Variants in DCP2 observed in about 807,000 individuals in gnomAD.
DCP2 encodes the protein m7GpppN-mRNA hydrolase.
DCP2 carries 30 observed loss-of-function variants against 56.1 expected under a neutral mutation model. The observed-to-expected ratio is 0.53, with a 90% CI of 0.40 to 0.73. The LOEUF (loss-of-function observed/expected upper bound fraction) is 0.73, where lower values mean the gene tolerates loss of function less well. DCP2 is among the 30% of genes least tolerant of loss of function. The pLI, the probability that DCP2 is intolerant of heterozygous loss-of-function variation, is 0.00. For missense variants in DCP2, 533 were observed against 502.7 expected, an observed-to-expected ratio of 1.06 and a Z score of -0.58; for synonymous variants, 197 against 163.3, an observed-to-expected ratio of 1.21 and a Z score of -1.57.
At position 113,018,670 on chromosome 5, in the gene DCP2, T is replaced by TTATTGGC. The variant is rs1366585087; in HGVS notation, c.*5189_*5195dup. The TTATTGGC allele has an allele frequency of 6.6e-6, 1 of 152,280 alleles. No homozygotes were observed. The highest frequency in any genetic ancestry group is 1.5e-5 in the Non-Finnish European group (1 of 68,074). The allele number at this position is 152,280 out of a possible 1,614,324, so 9.4% of individuals were successfully genotyped here. On this transcript the variant is annotated 3_prime_UTR_variant, in exon 11 of 11. Transcript: ENST00000389063. ...TGCAGGTGGTTGGGTGGTTTTTGGG[T>TTATTGGC]TATTGGCTACTGTTCGTTCAGTGCC...
At chr5:113,002,787 T>G (rs1352034325) in intron 7 of DCP2, among the ~76,000 whole-genome samples, 2 of 152,162 alleles carry the variant, frequency 1.3e-5, no homozygotes, top group Non-Finnish European at 2.9e-5. Flanking sequence ...CTTCCCAAAG[T>G]TTTGAGATTA....
chr5:112,976,834 T>C lies in DCP2; in HGVS notation c.-100T>C, dbSNP rs754880310. ...TGGAGTCGTCTCTGCCGCGGCTTCC[T>C]CGGCTGCCAGCTCTCCGGCGAGCCG... On this transcript the variant is annotated 5_prime_UTR_variant, in exon 1 of 11. Transcript: ENST00000389063. The C allele has an allele frequency of 1.0e-5, 13 of 1,304,880 alleles. No individual in the cohort carries two copies. The East Asian group carries it at 3.0e-4, about 30-fold the overall frequency. The allele number at this position is 1,304,880 out of a possible 1,614,324, so 80.8% of individuals were successfully genotyped here. A position where few individuals can be genotyped will look rare whatever the true frequency, so the allele number is the denominator to read the frequency against.
At chr5:112,979,139 TAAAC>T (rs1170805729) in intron 1 of DCP2, among the ~76,000 whole-genome samples, 4 of 152,196 alleles carry the variant, frequency 2.6e-5, no homozygotes, top group Non-Finnish European at 5.9e-5. Context: ...TTTAAGCTGT[TAAAC>T]AAATATTTTT....
intron 1 of DCP2, among the ~76,000 whole-genome samples, chr5:112,980,667 C>T (rs1747963712): frequency 6.6e-6 from 1 of 152,126 alleles, no homozygotes; most frequent in South Asian, 2.1e-4. Context: ...AAACTTAAGT[C>T]AACTTTTTAC....
chr5:112,993,354 G>A (rs1186793652), intron 4 of DCP2, among the ~76,000 whole-genome samples: 1 of 151,884 alleles, frequency 6.6e-6, no homozygotes, highest in African/African-American at 2.4e-5. Context: ...TGCTGTTATG[G>A]CCAGGCACGG....
chr5:112,984,618 A>G (rs1465833489), intron 1 of DCP2: 2 of 149,456 alleles, frequency 1.3e-5, no homozygotes, highest in South Asian at 2.1e-4. Context: ...CCAAATTGCA[A>G]TCTCTAAAAA....
Position 113,010,731 on chromosome 5 carries a change from GTGTGTTT to G in DCP2, c.1048-23_1048-17del. 1.4e-6 allele frequency: 2 copies of G among 1,475,192 alleles called. No individual in the cohort carries two copies. Among genetic ancestry groups the G allele is most frequent in the Non-Finnish European group, 8.9e-7 (1 of 1,124,088 alleles). 91.4% of individuals were successfully genotyped at this position (1,475,192 alleles called of 1,614,324 possible). On this transcript the variant is annotated intron_variant, in intron 9 of 10. Coordinates refer to ENST00000389063, the MANE Select transcript of DCP2 (RefSeq NM_152624.6). Reference sequence around the variant, plus strand: ...GTGACTGTGTTGTATGTGTGTGTGTGTGTGTTTTTTTTTTTTTTAAATAGAAGTGTGA... The same window carrying G: ...GTGACTGTGTTGTATGTGTGTGTGTGTTTTTTTTTTTAAATAGAAGTGTGA...
At position 112,985,935 on chromosome 5, in the gene DCP2, C is replaced by A. The variant is rs747847949; in HGVS notation, c.154C>A (p.Gln52Lys). The change falls in exon 2 of 11, where the codon CAG becomes AAG. Residue 52 changes from glutamine to lysine, a missense_variant. Gln to Lys is a moderately conservative substitution (Grantham distance 53). Coordinates refer to ENST00000389063, the MANE Select transcript of DCP2 (RefSeq NM_152624.6). ...AHWFYLDFYMQNTPGLPQCGI... is the reference protein window; with the variant it reads ...AHWFYLDFYMKNTPGLPQCGI... The stretch of plus-strand genomic sequence containing the variant: ...TTGGTTTTACTTGGATTTCTACATG[C>A]AGAACACACCAGGATTACCTCAGTG... 132 of 1,603,828 alleles carry A rather than the reference C, an allele frequency of 8.2e-5. No homozygotes were observed. Among genetic ancestry groups the A allele is most frequent in the South Asian group, 5.2e-4 (47 of 90,196 alleles).
rs2150200429 is a variant in DCP2, at chr5:113,021,784, C to CT, written c.*8302dup. ...GATGTGTTGCAAAGCTGCTTGCCAT[C>CT]TTGTTGTCCTATATGACTTCCTTGC... On this transcript the variant is annotated 3_prime_UTR_variant, in exon 11 of 11. Transcript: ENST00000389063. 6.6e-6 allele frequency among the ~76,000 whole-genome samples: 1 copy of CT among 152,336 alleles called. No individual in the cohort carries two copies. The highest frequency in any genetic ancestry group is 1.5e-5 in the Non-Finnish European group (1 of 68,020).
At chr5:113,012,946 T>A (rs887278401) in intron 10 of DCP2, among the ~76,000 whole-genome samples, 1 of 152,312 alleles carries the variant, frequency 6.6e-6, no homozygotes, top group Admixed American at 6.5e-5. Context: ...CTGGCCAGAT[T>A]TTTCTTTATG....
chr5:112,993,907 G>A (rs1005989306), intron 4 of DCP2, among the ~76,000 whole-genome samples: 3 of 151,686 alleles, frequency 2.0e-5, no homozygotes, highest in African/African-American at 4.8e-5. Flanking sequence ...ATTATTTTTG[G>A]TGTAGGATCT....
chr5:113,006,819 A>C (rs1390979704), intron 8 of DCP2, among the ~76,000 whole-genome samples: 1 of 152,210 alleles, frequency 6.6e-6, no homozygotes, highest in Non-Finnish European at 1.5e-5. Context: ...TAAGTTTAGG[A>C]ATAATGGCCC....
At chr5:112,979,709 A>G (rs1422817617) in intron 1 of DCP2, among the ~76,000 whole-genome samples, 1 of 152,198 alleles carries the variant, frequency 6.6e-6, no homozygotes, top group African/African-American at 2.4e-5. Context: ...CTCATAACCT[A>G]AGGCTGATGC....
Position 113,011,019 on chromosome 5 carries a change from G to A in DCP2, c.1099+212G>A, listed in dbSNP as rs1749660663. On this transcript the variant is annotated intron_variant, in intron 10 of 10. Transcript: ENST00000389063. ...AAATTACTTGCCTTCAGACTGTGCC[G>A]TTTCTTTTATGAATGTTAAGCCTTA... Among the ~76,000 whole-genome samples the A allele has an allele frequency of 2.0e-5, 3 of 152,092 alleles. 1 individual carries two copies. Among genetic ancestry groups the A allele is most frequent in the Non-Finnish European group, 2.9e-5 (2 of 68,024 alleles).
chr5:113,006,740 CTT>C (rs752586943), intron 8 of DCP2, among the ~76,000 whole-genome samples: 1 of 152,166 alleles, frequency 6.6e-6, no homozygotes, highest in Non-Finnish European at 1.5e-5. Flanking sequence ...TTAATTTAAA[CTT>C]AAGAATTTTT....
At chr5:113,000,420 A>ACACACCCACACC (rs75090269) in intron 4 of DCP2, among the ~76,000 whole-genome samples, 5 of 146,652 alleles carry the variant, frequency 3.4e-5, no homozygotes, top group Admixed American at 6.8e-5. Flanking sequence ...ACACACACAC[A>ACACACCCACACC]CACACCCACA....
Position 112,976,999 on chromosome 5 carries a change from C to T in DCP2, c.53+13C>T. On this transcript the variant is annotated intron_variant, in intron 1 of 10. Coordinates refer to ENST00000389063, the MANE Select transcript of DCP2 (RefSeq NM_152624.6). ...ACGATCTCTGCAGGTACCGCGCTAC[C>T]CGACCCCCTTTCGCCCCCGTCGGGT... 1 of 1,525,286 alleles carries T rather than the reference C, an allele frequency of 6.6e-7. No individual in the cohort carries two copies. The highest frequency in any genetic ancestry group is 8.9e-7 in the Non-Finnish European group (1 of 1,126,812). 94.5% of individuals were successfully genotyped at this position (1,525,286 alleles called of 1,614,324 possible).
chr5:112,997,680 G>A (rs1200157269), intron 4 of DCP2, among the ~76,000 whole-genome samples: 2 of 151,016 alleles, frequency 1.3e-5, no homozygotes, highest in Admixed American at 1.3e-4. Flanking sequence ...TGCGATCTCA[G>A]TTCACTGCAC....
intron 4 of DCP2, 69 bp from the exon 5 acceptor site, chr5:113,001,015 G>A: frequency 7.0e-7 from 1 of 1,429,018 alleles, no homozygotes; most frequent in African/African-American, 1.4e-5. Flanking sequence ...TTTGTCTTGG[G>A]AATAAATTTT....
Sources: gnomAD v4.1 joint callset for allele counts (sites outside exome capture counted in the v4.1 genomes callset) on GRCh38, gnomAD v4.1.1 for gene constraint, MANE v1.5 for transcripts, NCBI Gene and HGNC (gene_info 2026-07-23, HGNC 2026-07-21) for gene names.